CDYL: variants seen among roughly 807,000 people sequenced by gnomAD.
CDYL encodes the protein chromodomain Y-like protein.
A neutral mutation model predicts 47.3 loss-of-function variants in CDYL; 8 were observed. The ratio of observed to expected loss-of-function variants is 0.17; its 90% CI spans 0.10 to 0.31. CDYL has a LOEUF of 0.31. CDYL is among the 10% of genes least tolerant of loss of function. The pLI is 1.00. For synonymous variants in CDYL, 266 were observed against 265.0 expected, an observed-to-expected ratio of 1.00 and a Z score of -0.04; for missense variants, 471 against 701.4, an observed-to-expected ratio of 0.67 and a Z score of 3.71.
rs1001268978 is a variant in CDYL at position 4,926,294 on chromosome 6, G to A, written c.692-9221G>A. Among the ~76,000 whole-genome samples the A allele has an allele frequency of 4.6e-5, 7 of 152,252 alleles. No individual in the cohort carries two copies. In the East Asian group the frequency reaches 1.3e-3, roughly 29 times the overall value. On this transcript the variant is annotated intron_variant, in intron 2 of 6. Coordinates refer to ENST00000397588, the MANE Select transcript of CDYL (RefSeq NM_004824.4). ...TAAAATTATAAGGTTTTGTATAGGT[G>A]AATAGGATTACGTTCAATATATGTA... is the stretch of plus-strand genomic sequence containing the variant.
intron 1 of CDYL, among the ~76,000 whole-genome samples, chr6:4,832,072 TCTC>T (rs1760162022): frequency 6.6e-6 from 1 of 151,738 alleles, no homozygotes; most frequent in Non-Finnish European, 1.5e-5. Context: ...TTTATTTCCT[TCTC>T]CTGCCTAATT....
At chr6:4,865,446 T>C (rs1288119444) in intron 1 of CDYL, among the ~76,000 whole-genome samples, 1 of 152,226 alleles carries the variant, frequency 6.6e-6, no homozygotes, top group East Asian at 1.9e-4. Context: ...ATTCTCGCCA[T>C]TGCTCCATCT....
Position 4,894,945 on chromosome 6 carries a change from A to ATATGTG in CDYL, c.691+2567_691+2568insATGTGT, listed in dbSNP as rs1762168639. 4.8e-4 allele frequency among the ~76,000 whole-genome samples: 3 copies of ATATGTG among 6,230 alleles called. No individual in the cohort carries two copies. The Non-Finnish European group carries it at 0.012, about 25-fold the overall frequency. 4.1% of individuals were successfully genotyped at this position (6,230 alleles called of 152,430 possible). A position where few individuals can be genotyped will look rare whatever the true frequency, so the allele number is the denominator to read the frequency against. ...CACATATGTATGTGTGTATATGTGT[A>ATATGTG]TGCATGTGTATATATACGTATGTGT... is the stretch of plus-strand genomic sequence containing the variant. On this transcript the variant is annotated intron_variant, in intron 2 of 6. Transcript: ENST00000397588.
chr6:4,898,592 T>G (rs947777126), intron 2 of CDYL, among the ~76,000 whole-genome samples: 1 of 152,136 alleles, frequency 6.6e-6, no homozygotes, highest in African/African-American at 2.4e-5. Context: ...TTCTAAGCAT[T>G]TAATAGGTAT....
chr6:4,935,418 G>A, intron 2 of CDYL, 97 bp from the exon 3 acceptor site: 1 of 1,030,642 alleles, frequency 9.7e-7, no homozygotes, highest in Non-Finnish European at 1.5e-6. Flanking sequence ...TTAATCCTAA[G>A]TGTGTAATGA....
chr6:4,946,718 TGTG>T (rs3055027), intron 5 of CDYL, among the ~76,000 whole-genome samples: 107,103 of 151,696 alleles, frequency 0.71, 40,392 homozygotes, highest in Non-Finnish European at 0.84. Context: ...ACTCCCCACA[TGTG>T]GTCATGTGGG....
intron 1 of CDYL, among the ~76,000 whole-genome samples, chr6:4,816,679 G>T (rs192196849): frequency 2.0e-5 from 3 of 151,604 alleles, no homozygotes; most frequent in African/African-American, 7.3e-5. Flanking sequence ...AGTAGAGACG[G>T]GGTTTTGCGA....
intron 6 of CDYL, 101 bp from the exon 7 acceptor site, chr6:4,953,797 A>G (rs1206061681): frequency 6.7e-5 from 75 of 1,112,504 alleles, no homozygotes; most frequent in Middle Eastern, 6.1e-4. Flanking sequence ...TTAACAGGTG[A>G]TTGCTGGAAT....
chr6:4,719,184 C>T (rs1359356962), intron 2 of CDYL, among the ~76,000 whole-genome samples: 5 of 152,166 alleles, frequency 3.3e-5, no homozygotes, highest in Non-Finnish European at 4.4e-5. Flanking sequence ...CTTGGCCTCT[C>T]AAAGTGCTGT....
chr6:4,805,661 G>C (rs1262077025), intron 1 of CDYL, among the ~76,000 whole-genome samples: 1 of 152,254 alleles, frequency 6.6e-6, no homozygotes, highest in East Asian at 1.9e-4. Flanking sequence ...GAGACTGAAG[G>C]CCCGGGAACC....
chr6:4,867,037 C>T (rs775173811), intron 1 of CDYL, among the ~76,000 whole-genome samples: 5 of 152,082 alleles, frequency 3.3e-5, no homozygotes, highest in Non-Finnish European at 5.9e-5. Flanking sequence ...CATCATCAGT[C>T]GCCTAGCATT....
chr6:4,799,716 A>C (rs186617980), intron 1 of CDYL, among the ~76,000 whole-genome samples: 1 of 152,058 alleles, frequency 6.6e-6, no homozygotes. Context: ...GAGATTACAG[A>C]GCATGAGCCA....
At chr6:4,730,306 C>A (rs1048924806) in intron 2 of CDYL, among the ~76,000 whole-genome samples, 5 of 152,194 alleles carry the variant, frequency 3.3e-5, no homozygotes, top group Non-Finnish European at 5.9e-5. Flanking sequence ...TGTCTTCCTG[C>A]TCAGCAAGTC....
chr6:4,839,673 G>A (rs1760429698), intron 1 of CDYL, among the ~76,000 whole-genome samples: 1 of 152,182 alleles, frequency 6.6e-6, no homozygotes, highest in African/African-American at 2.4e-5. Context: ...TGTTAAATAA[G>A]GTGTCCTTTC....
chr6:4,815,673 C>CTTTTT, intron 1 of CDYL, among the ~76,000 whole-genome samples: 1 of 113,652 alleles, frequency 8.8e-6, no homozygotes, highest in African/African-American at 3.3e-5. Flanking sequence ...TGAGATTTCA[C>CTTTTT]TTTTTTTTTT....
At chr6:4,926,482 C>G (rs1296918129) in intron 2 of CDYL, among the ~76,000 whole-genome samples, 1 of 130,058 alleles carries the variant, frequency 7.7e-6, no homozygotes, top group Non-Finnish European at 1.6e-5. Flanking sequence ...TGAGACCCTT[C>G]TGCCTTGAAA....
chr6:4,712,344 T>TC lies in CDYL; in HGVS notation c.-38-3391dup, dbSNP rs973737164. Among the ~76,000 whole-genome samples the TC allele has an allele frequency of 4.0e-5, 6 of 151,796 alleles. No homozygotes were observed. The South Asian group carries it at 1.2e-3, about 31-fold the overall frequency. ...CCATGAGGTGCAGAGATACTAGGAA[T>TC]CCCCCCTGGATTTCTTCCTGGGCAA... On this transcript the variant is annotated intron_variant, in intron 1 of 8. Transcript: ENST00000328908.
chr6:4,733,359 G>C (rs1388472161), intron 2 of CDYL: 2 of 151,318 alleles, frequency 1.3e-5, no homozygotes, highest in East Asian at 3.9e-4. Context: ...ATTCCAGTTG[G>C]ATTAAAAAGT....
In CDYL at chr6:4,910,761, A is replaced by G. The variant is rs548550644; in HGVS notation, c.691+18382A>G. Among the ~76,000 whole-genome samples, 197 of 152,262 alleles carry G rather than the reference A, an allele frequency of 1.3e-3. 1 individual carries two copies. The highest frequency in any genetic ancestry group is 2.2e-3 in the Non-Finnish European group (153 of 68,018). Reference sequence around the variant, plus strand: ...AGCAGTGTTGGAAGCGATGGTTTGGATAGAAGGCATGAAGTGGGTAGTGGA... The same window carrying G: ...AGCAGTGTTGGAAGCGATGGTTTGGGTAGAAGGCATGAAGTGGGTAGTGGA... On this transcript the variant is annotated intron_variant, in intron 2 of 6. Transcript: ENST00000397588.
Sources: allele counts gnomAD v4.1 joint callset (sites outside exome capture counted in the v4.1 genomes callset), GRCh38; gene constraint gnomAD v4.1.1; transcripts MANE v1.5; gene names NCBI Gene and HGNC (gene_info 2026-07-23, HGNC 2026-07-21).